Variants in ITPR1 observed in about 807,000 individuals in gnomAD.
ITPR1 encodes the protein inositol 1,4,5-trisphosphate-gated calcium channel ITPR1.
Under a neutral mutation model 318.4 loss-of-function variants are expected in ITPR1, and 96 were observed. The ratio of observed to expected loss-of-function variants is 0.30; its 90% CI spans 0.26 to 0.36. ITPR1 has a LOEUF of 0.36. ITPR1 is among the 10% of genes least tolerant of loss of function. The pLI is 1.00. For missense variants in ITPR1, 2,440 were observed against 3,460.2 expected (o/e 0.71, Z 7.40); for synonymous variants, 1,312 against 1,289.9 (o/e 1.02, Z -0.37).
intron 4 of ITPR1, among the ~76,000 whole-genome samples, chr3:4,592,021 C>T (rs1441924165): frequency 6.6e-6 from 1 of 152,024 alleles, no homozygotes; most frequent in Non-Finnish European, 1.5e-5. Context: ...GATCTTTTGC[C>T]CTTGATCCAT....
intron 4 of ITPR1, among the ~76,000 whole-genome samples, chr3:4,535,426 C>CT (rs995497312): frequency 2.3e-3 from 263 of 112,202 alleles, no homozygotes; most frequent in Non-Finnish European, 4.0e-3. Context: ...AAATTATTTT[C>CT]TTTTTTTTTT....
intron 44 of ITPR1, among the ~76,000 whole-genome samples, chr3:4,757,482 G>T (rs1018208819): frequency 6.6e-6 from 1 of 152,122 alleles, no homozygotes; most frequent in Non-Finnish European, 1.5e-5. Flanking sequence ...GTAGGGGTGG[G>T]GTGGATTATA....
intron 44 of ITPR1, among the ~76,000 whole-genome samples, chr3:4,747,920 A>C (rs1232514113): frequency 1.3e-5 from 2 of 152,214 alleles, no homozygotes; most frequent in African/African-American, 2.4e-5. Flanking sequence ...ATTAGATCTC[A>C]GCTTTTGCCC....
At chr3:4,616,376 A>G (rs562464611) in intron 4 of ITPR1, among the ~76,000 whole-genome samples, 1 of 152,188 alleles carries the variant, frequency 6.6e-6, no homozygotes, top group Non-Finnish European at 1.5e-5. Context: ...TCTCATTACT[A>G]CTTTTAAATC....
intron 59 of ITPR1, among the ~76,000 whole-genome samples, chr3:4,816,799 A>G (rs963161672): frequency 1.3e-5 from 2 of 152,200 alleles, no homozygotes; most frequent in Admixed American, 1.3e-4. Context: ...GCTATTCCTT[A>G]AACTTTCACC....
intron 44 of ITPR1, among the ~76,000 whole-genome samples, chr3:4,746,133 G>T (rs2044091176): frequency 6.6e-6 from 1 of 152,108 alleles, no homozygotes; most frequent in African/African-American, 2.4e-5. Flanking sequence ...GCATAGGGCT[G>T]CTGAGATCTG....
chr3:4,647,421 C>G (rs2093483522), intron 10 of ITPR1, among the ~76,000 whole-genome samples: 1 of 152,140 alleles, frequency 6.6e-6, no homozygotes, highest in Non-Finnish European at 1.5e-5. Flanking sequence ...AAATACCTAG[C>G]AGTGGATTGG....
chr3:4,619,284 G>A (rs2125112719), intron 4 of ITPR1, among the ~76,000 whole-genome samples: 1 of 152,118 alleles, frequency 6.6e-6, no homozygotes, highest in South Asian at 2.1e-4. Flanking sequence ...CTTTCAACCT[G>A]GGGAGTCATC....
chr3:4,712,781 C>T (rs1040948276), intron 39 of ITPR1, among the ~76,000 whole-genome samples: 1 of 152,244 alleles, frequency 6.6e-6, no homozygotes, highest in African/African-American at 2.4e-5. Context: ...AGCAATGTTA[C>T]TAGTGAGACT....
At chr3:4,632,175 G>A (rs903083587) in intron 5 of ITPR1, among the ~76,000 whole-genome samples, 1 of 152,174 alleles carries the variant, frequency 6.6e-6, no homozygotes, top group Non-Finnish European at 1.5e-5. Flanking sequence ...GAATAGGTGG[G>A]GAAGGTTGGT....
chr3:4,814,590 G>GC, intron 58 of ITPR1, 28 bp downstream of exon 58: 4 of 805,186 alleles, frequency 5.0e-6, no homozygotes, highest in African/African-American at 1.9e-5. Flanking sequence ...GGAAGGAAGG[G>GC]CAAAGGGGGC....
At chr3:4,498,957 A>G (rs1249402056) in intron 2 of ITPR1, among the ~76,000 whole-genome samples, 1 of 152,256 alleles carries the variant, frequency 6.6e-6, no homozygotes, top group Admixed American at 6.5e-5. Flanking sequence ...ACCCCTGCAC[A>G]TGTGCAAACT....
intron 4 of ITPR1, among the ~76,000 whole-genome samples, chr3:4,625,649 C>T (rs1319615614): frequency 7.9e-5 from 12 of 151,694 alleles, no homozygotes; most frequent in South Asian, 2.1e-4. Flanking sequence ...CTCTGCCTCC[C>T]GGGTTCACAC....
chr3:4,800,782 T>C lies in ITPR1; in HGVS notation c.7107+182T>C, dbSNP rs73807157. Among the ~76,000 whole-genome samples the C allele has an allele frequency of 0.022, 3,418 of 152,292 alleles. 118 individuals carry two copies. Among genetic ancestry groups the C allele is most frequent in the African/African-American group, 0.078 (3,248 of 41,550 alleles). The stretch of plus-strand genomic sequence containing the variant: ...GGACGTCTCCCTCTTGACCTCCGCG[T>C]GGTGCAGTGAGCCTTGTAATGGATC... On this transcript the variant is annotated intron_variant, in intron 54 of 61. Transcript: ENST00000649015.
At chr3:4,609,025 A>AT (rs2091900258) in intron 4 of ITPR1, among the ~76,000 whole-genome samples, 1 of 125,640 alleles carries the variant, frequency 8.0e-6, no homozygotes, top group Non-Finnish European at 1.6e-5. Flanking sequence ...AAAAAAAAAA[A>AT]CAAAAGAAAA....
intron 4 of ITPR1, among the ~76,000 whole-genome samples, chr3:4,575,399 G>T (rs1430257007): frequency 6.6e-6 from 1 of 152,192 alleles, no homozygotes; most frequent in Non-Finnish European, 1.5e-5. Flanking sequence ...GTGGTAGCAT[G>T]CTTGGAAGTT....
intron 2 of ITPR1, among the ~76,000 whole-genome samples, chr3:4,498,247 A>G (rs917425691): frequency 2.0e-5 from 3 of 152,218 alleles, no homozygotes; most frequent in Non-Finnish European, 4.4e-5. Flanking sequence ...GATGAGGGGT[A>G]TTAAGGGAGT....
chr3:4,753,012 G>A lies in ITPR1; in HGVS notation c.5545-13518G>A, dbSNP rs560646322. 2.6e-5 allele frequency among the ~76,000 whole-genome samples: 4 copies of A among 152,156 alleles called. No individual in the cohort carries two copies. In the South Asian group the frequency reaches 8.3e-4, roughly 31 times the overall value. Reference sequence around the variant, plus strand: ...AAGCAAACAGGCGCCACGAAGCGTGGCCAGGGAGGGCTTCTCTGGGGAGAT... The same window carrying A: ...AAGCAAACAGGCGCCACGAAGCGTGACCAGGGAGGGCTTCTCTGGGGAGAT... On this transcript the variant is annotated intron_variant, in intron 44 of 61. Transcript: ENST00000649015.
chr3:4,711,476 A>T, intron 38 of ITPR1: 1 of 337,556 alleles, frequency 3.0e-6, no homozygotes, highest in Non-Finnish European at 5.5e-6. Flanking sequence ...GTCTGAGTGG[A>T]CCTCTGTCTC....
Sources: allele counts gnomAD v4.1 joint callset (sites outside exome capture counted in the v4.1 genomes callset), GRCh38; gene constraint gnomAD v4.1.1; transcripts MANE v1.5; gene names NCBI Gene and HGNC (gene_info 2026-07-23, HGNC 2026-07-21).